WASF1: variants seen among roughly 807,000 people sequenced by gnomAD.
The protein encoded by WASF1 is actin-binding protein WASF1.
WASF1 carries 7 observed loss-of-function variants against 50.5 expected under a neutral mutation model. The ratio of observed to expected loss-of-function variants is 0.14; its 90% CI spans 0.08 to 0.26. The LOEUF (loss-of-function observed/expected upper bound fraction) is 0.26. Ranked by LOEUF, WASF1 falls within the 10% of genes least tolerant of loss-of-function variation. WASF1 has a pLI of 1.00. For synonymous variants in WASF1, 205 were observed against 244.0 expected (o/e 0.84, Z 1.49); for missense variants, 470 against 694.7 (o/e 0.68, Z 3.64).
chr6:110,122,156 C>T (rs1774165471), intron 4 of WASF1, among the ~76,000 whole-genome samples: 1 of 150,304 alleles, frequency 6.7e-6, no homozygotes, highest in South Asian at 2.1e-4. Context: ...GCACACTATG[C>T]ACATGTACCA....
Position 110,115,668 on chromosome 6 carries a change from G to C in WASF1, c.134-2208C>G, listed in dbSNP as rs903420009. Among the ~76,000 whole-genome samples the C allele has an allele frequency of 2.0e-5, 3 of 152,176 alleles. No individual in the cohort carries two copies. In the East Asian group the frequency reaches 5.8e-4, roughly 29 times the overall value. Reference sequence around the variant, plus strand: ...GACTCATTACACATGGTATTCTGTGGAAGACTGTCAACACTATGGAAGAGA... The same window carrying C: ...GACTCATTACACATGGTATTCTGTGCAAGACTGTCAACACTATGGAAGAGA... On this transcript the variant is annotated intron_variant, in intron 4 of 10. Transcript: ENST00000392589.
At chr6:110,106,329 C>T (rs1168294583) in intron 7 of WASF1, among the ~76,000 whole-genome samples, 1 of 152,186 alleles carries the variant, frequency 6.6e-6, no homozygotes, top group Non-Finnish European at 1.5e-5. Flanking sequence ...GCTTGCCAGT[C>T]ACCAATTTGC....
intron 2 of WASF1, among the ~76,000 whole-genome samples, chr6:110,163,166 T>C (rs1437796026): frequency 6.6e-6 from 1 of 151,590 alleles, no homozygotes; most frequent in African/African-American, 2.4e-5. Context: ...ATAAATCTCA[T>C]AAAATTTGTA....
At chr6:110,136,125 C>A (rs1774956265) in intron 3 of WASF1, among the ~76,000 whole-genome samples, 1 of 151,808 alleles carries the variant, frequency 6.6e-6, no homozygotes, top group African/African-American at 2.4e-5. Context: ...ACCTCGTGAT[C>A]TGCCCGCCTC....
chr6:110,117,628 G>A (rs1773872767), intron 4 of WASF1, among the ~76,000 whole-genome samples: 1 of 152,058 alleles, frequency 6.6e-6, no homozygotes, highest in African/African-American at 2.4e-5. Context: ...ACCTAGCAAG[G>A]AAGGCCAGCA....
At chr6:110,134,465 C>A (rs184429126) in intron 3 of WASF1, among the ~76,000 whole-genome samples, 179 of 150,812 alleles carry the variant, frequency 1.2e-3, no homozygotes, top group African/African-American at 4.2e-3. Flanking sequence ...GCTCTTGTTG[C>A]CCAGACTGGA....
chr6:110,139,390 T>G (rs1482871401), intron 3 of WASF1, among the ~76,000 whole-genome samples: 1 of 152,198 alleles, frequency 6.6e-6, no homozygotes, highest in East Asian at 1.9e-4. Context: ...TTCCCAGCCC[T>G]GACCGCTCCT....
intron 2 of WASF1, among the ~76,000 whole-genome samples, chr6:110,164,265 A>G (rs1211505480): frequency 1.3e-5 from 2 of 151,656 alleles, no homozygotes; most frequent in Non-Finnish European, 3.0e-5. Flanking sequence ...GAATGAGAAA[A>G]CAAGCTACAG....
rs1773121212 is a variant in WASF1, at chr6:110,102,146, G to T, written c.964C>A (p.Pro322Thr). The T allele has an allele frequency of 6.8e-7, 1 of 1,478,978 alleles. No homozygotes were observed. Among genetic ancestry groups the T allele is most frequent in the Admixed American group, 2.5e-5 (1 of 39,934 alleles). The allele number at this position is 1,478,978 out of a possible 1,614,324, so 91.6% of individuals were successfully genotyped here. A position where few individuals can be genotyped will look rare whatever the true frequency, so the allele number is the denominator to read the frequency against. Residue 322 changes from proline to threonine, a missense_variant, in exon 10 of 11, where the codon CCC (proline) becomes ACC (threonine). By Grantham distance (38) the Pro-to-Thr change is conservative. Around this residue, in one of 3 missense-constraint regions of WASF1, gnomAD observed 294 missense variants for 343.5 expected, o/e 0.86. Coordinates refer to ENST00000392589, the MANE Select transcript of WASF1 (RefSeq NM_003931.3). Reference protein sequence around the residue: ...ATGRTPVFVSPTPPPPPPPLP... With the variant: ...ATGRTPVFVSTTPPPPPPPLP... ...GGTGGTGGAGGAGGTGGGGGAGTGGGGCTCACAAACACAGGTGTTCTGCCT... is the reference window on the plus strand; with the variant it reads ...GGTGGTGGAGGAGGTGGGGGAGTGGTGCTCACAAACACAGGTGTTCTGCCT...
At chr6:110,130,806 CTT>C (rs948176681) in intron 3 of WASF1, among the ~76,000 whole-genome samples, 2 of 152,346 alleles carry the variant, frequency 1.3e-5, no homozygotes, top group Middle Eastern at 3.4e-3. Flanking sequence ...TGTACCAACA[CTT>C]TACTTTCGGC....
At chr6:110,123,027 G>A (rs1016384349) in intron 4 of WASF1, among the ~76,000 whole-genome samples, 2 of 152,092 alleles carry the variant, frequency 1.3e-5, no homozygotes, top group African/African-American at 4.8e-5. Flanking sequence ...AATGATTTGT[G>A]TCTAAAATGG....
intron 4 of WASF1, among the ~76,000 whole-genome samples, chr6:110,125,653 A>G (rs905711402): frequency 1.3e-5 from 2 of 152,180 alleles, no homozygotes; most frequent in African/African-American, 4.8e-5. Context: ...CTGCCAGAGA[A>G]GTTAATTTCA....
intron 5 of WASF1, among the ~76,000 whole-genome samples, chr6:110,112,446 T>C (rs1356356318): frequency 2.6e-5 from 4 of 152,216 alleles, no homozygotes; most frequent in Admixed American, 6.5e-5. Context: ...TCTACAATTA[T>C]TTTAGCCTAT....
intron 1 of WASF1, 124 bp downstream of exon 1, chr6:110,179,315 G>T: frequency 6.6e-6 from 1 of 152,372 alleles, no homozygotes; most frequent in Non-Finnish European, 1.5e-5. Flanking sequence ...GGGAAGGCGC[G>T]CCCATCCATC....
intron 3 of WASF1, among the ~76,000 whole-genome samples, chr6:110,140,665 T>A (rs1775186851): frequency 6.6e-6 from 1 of 152,212 alleles, no homozygotes. Flanking sequence ...CCCACACAAC[T>A]GATCACACAA....
At chr6:110,172,956 C>T (rs1370341889) in intron 2 of WASF1, among the ~76,000 whole-genome samples, 2 of 152,126 alleles carry the variant, frequency 1.3e-5, no homozygotes, top group Admixed American at 6.6e-5. Context: ...TCTTCATCCT[C>T]GACTAAAATA....
chr6:110,152,249 C>G (rs1260309352), intron 3 of WASF1, among the ~76,000 whole-genome samples: 2 of 152,102 alleles, frequency 1.3e-5, no homozygotes, highest in Non-Finnish European at 2.9e-5. Flanking sequence ...GCAGCTACTG[C>G]TGGCTTAAAG....
intron 3 of WASF1, among the ~76,000 whole-genome samples, chr6:110,152,045 G>T (rs368710445): frequency 6.6e-6 from 1 of 152,242 alleles, no homozygotes; most frequent in South Asian, 2.1e-4. Context: ...CCAGTCCCTA[G>T]CACTATTCCT....
chr6:110,151,506 A>C (rs1398518735), intron 3 of WASF1, among the ~76,000 whole-genome samples: 1 of 152,250 alleles, frequency 6.6e-6, no homozygotes, highest in Non-Finnish European at 1.5e-5. Flanking sequence ...CTGTAATATA[A>C]GAATTCTATA....
Sources: allele counts gnomAD v4.1 joint callset (sites outside exome capture counted in the v4.1 genomes callset), GRCh38; gene constraint gnomAD v4.1.1; regional missense constraint gnomAD v4.1.1; transcripts MANE v1.5; gene names NCBI Gene and HGNC (gene_info 2026-07-23, HGNC 2026-07-21).